Variants in HHIPL1 observed in about 807,000 individuals in gnomAD.
The protein encoded by HHIPL1 is HHIP like 1.
HHIPL1 carries 43 observed loss-of-function variants against 61.8 expected under a neutral mutation model. That is an observed-to-expected ratio of 0.70 (90% CI 0.55 to 0.90). The LOEUF (loss-of-function observed/expected upper bound fraction) is 0.90, where lower values mean the gene tolerates loss of function less well. HHIPL1 is among the 40% of genes least tolerant of loss of function. The pLI is 0.00. For missense variants in HHIPL1, 1,056 were observed against 1,157.7 expected (o/e 0.91, Z 1.28); for synonymous variants, 482 against 515.8 (o/e 0.93, Z 0.89).
chr14:99,675,196 G>C lies in HHIPL1; in HGVS notation c.1919G>C (p.Arg640Pro). The change falls in exon 9 of 9, where the codon CGG (arginine) becomes CCG (proline). Residue 640 changes from arginine to proline, a missense_variant. Arg to Pro is a moderately radical substitution (Grantham distance 103). Transcript: ENST00000330710. This position sits in a 1 kb window ranked among gnomAD's most constrained non-coding sequence, Gnocchi z 5.4. Reference protein sequence around the residue: ...PTAAPPAPTPRPARPTQQPGS... With the variant: ...PTAAPPAPTPPPARPTQQPGS... ...GCCGCTCCCCCCGCGCCAACCCCGC[G>C]GCCAGCGCGGCCCACCCAGCAGCCA... is the stretch of plus-strand genomic sequence containing the variant. The C allele has an allele frequency of 8.7e-7, 1 of 1,149,482 alleles. No homozygotes were observed. The highest frequency in any genetic ancestry group is 1.1e-6 in the Non-Finnish European group (1 of 929,692). The allele number at this position is 1,149,482 out of a possible 1,614,324, so 71.2% of individuals were successfully genotyped here. A position where few individuals can be genotyped will look rare whatever the true frequency, so the allele number is the denominator to read the frequency against.
chr14:99,641,559 G>A (rs1333241473), upstream of HHIPL1, among the ~76,000 whole-genome samples: 1 of 151,814 alleles, frequency 6.6e-6, no homozygotes, highest in East Asian at 1.9e-4. Context: ...GGTTAGAGGT[G>A]CCCGCCACCA....
the HHIPL1 span, among the ~76,000 whole-genome samples, chr14:99,613,238 C>G: frequency 6.6e-6 from 1 of 151,906 alleles, no homozygotes; most frequent in African/African-American, 2.4e-5. Context: ...GCCCACTGTT[C>G]CCCAGTGACA....
chr14:99,645,572 A>G (rs1181237059), intron 1 of HHIPL1, 110 bp downstream of exon 1: 1 of 1,138,226 alleles, frequency 8.8e-7, no homozygotes, highest in Non-Finnish European at 1.1e-6. Flanking sequence ...CGGACTCGGG[A>G]ACTCTAAGCC....
upstream of HHIPL1, among the ~76,000 whole-genome samples, chr14:99,642,557 G>T (rs12887206): frequency 6.7e-6 from 1 of 150,042 alleles, no homozygotes; most frequent in South Asian, 2.1e-4. Context: ...ACGGAGTCTC[G>T]CTCTGTCACC....
At chr14:99,648,909 A>T (rs1020394944) in intron 1 of HHIPL1, among the ~76,000 whole-genome samples, 2 of 152,200 alleles carry the variant, frequency 1.3e-5, no homozygotes, top group African/African-American at 4.8e-5. Context: ...TGTCAGTGAC[A>T]TGGGGGTGGC....
rs919582003 is a variant in HHIPL1, at chr14:99,659,854, C to G, written c.1375+98C>G. ...CCTCCCTCGGAGACCGCACCCCCCC[C>G]CCCCCGGAGATCCCTGACCCTGAGT... On this transcript the variant is annotated intron_variant, in intron 4 of 8. Coordinates refer to ENST00000330710, the MANE Select transcript of HHIPL1 (RefSeq NM_001127258.3). 1.3e-3 allele frequency: 727 copies of G among 566,762 alleles called. 107 individuals carry two copies. The highest frequency in any genetic ancestry group is 4.6e-3 in the African/African-American group (198 of 42,806). The allele number at this position is 566,762 out of a possible 1,614,324, so 35.1% of individuals were successfully genotyped here.
At chr14:99,666,284 A>G (rs1196082402) in intron 6 of HHIPL1, among the ~76,000 whole-genome samples, 11 of 152,100 alleles carry the variant, frequency 7.2e-5, no homozygotes, top group Non-Finnish European at 1.2e-4. Flanking sequence ...TCAGAGAAAA[A>G]CTTTTGCTTC....
intron 1 of HHIPL1, among the ~76,000 whole-genome samples, chr14:99,650,280 C>T (rs2140056397): frequency 6.6e-6 from 1 of 152,328 alleles, no homozygotes; most frequent in South Asian, 2.1e-4. Flanking sequence ...CAGCCTGGTC[C>T]TCCCTGTGAG....
chr14:99,619,929 C>T, the HHIPL1 span, among the ~76,000 whole-genome samples: 1 of 152,176 alleles, frequency 6.6e-6, no homozygotes, highest in Non-Finnish European at 1.5e-5. Context: ...TATTTTCCCA[C>T]CCCCAATCCA....
At chr14:99,633,336 G>A in the HHIPL1 span, among the ~76,000 whole-genome samples, 1 of 152,256 alleles carries the variant, frequency 6.6e-6, no homozygotes, top group Admixed American at 6.5e-5. Context: ...GGGGAAGCCA[G>A]GTTGACAGGC....
chr14:99,659,622 G>A lies in HHIPL1; in HGVS notation c.1241G>A (p.Arg414His). 1 of 1,549,490 alleles carries A rather than the reference G, an allele frequency of 6.5e-7. No individual in the cohort carries two copies. ...CCCTCCTCGGGCACTGGCCGCGGGC[G>A]CCTCTTCTGCGGCGACGTGGGCCAG... ...GDPSSGTGRG[R>H]LFCGDVGQNK... Residue 414 changes from arginine to histidine, a missense_variant, in exon 4 of 9, where the codon CGC becomes CAC. By Grantham distance (29) the Arg-to-His change is conservative. Transcript: ENST00000330710.
rs2056373813 is a variant in HHIPL1 at position 99,675,195 on chromosome 14, C to T, written c.1918C>T (p.Arg640Trp). Residue 640 changes from arginine (R) to tryptophan (W), a missense_variant, in exon 9 of 9, where the codon CGG becomes TGG. Arg to Trp is a moderately radical substitution (Grantham distance 101). Coordinates refer to ENST00000330710, the MANE Select transcript of HHIPL1 (RefSeq NM_001127258.3). The surrounding 1 kb of genome is among the most constrained non-coding windows in gnomAD (Gnocchi z 5.4). ...GGCCGCTCCCCCCGCGCCAACCCCG[C>T]GGCCAGCGCGGCCCACCCAGCAGCC... The part of the protein sequence containing the change: ...PTAAPPAPTP[R>W]PARPTQQPGS... 7.0e-6 allele frequency: 8 copies of T among 1,145,506 alleles called. No individual in the cohort carries two copies. Among genetic ancestry groups the T allele is most frequent in the Non-Finnish European group, 8.6e-6 (8 of 927,140 alleles). The allele number at this position is 1,145,506 out of a possible 1,614,324, so 71.0% of individuals were successfully genotyped here.
chr14:99,621,705 T>TTTTCTTTTCTTTTC, the HHIPL1 span, among the ~76,000 whole-genome samples: 1 of 97,236 alleles, frequency 1.0e-5, no homozygotes, highest in African/African-American at 3.8e-5. Context: ...TTTTCTTTTC[T>TTTTCTTTTCTTTTC]TTTCTTTTTT....
Position 99,678,089 on chromosome 14 carries a change from C to G in HHIPL1, c.*2463C>G, listed in dbSNP as rs1280559873. 6.6e-6 allele frequency: 1 copy of G among 152,252 alleles called. No individual in the cohort carries two copies. Among genetic ancestry groups the G allele is most frequent in the Admixed American group, 6.5e-5 (1 of 15,292 alleles). The allele number at this position is 152,252 out of a possible 1,614,324, so 9.4% of individuals were successfully genotyped here. On this transcript the variant is annotated 3_prime_UTR_variant, in exon 9 of 9. Transcript: ENST00000330710. The stretch of plus-strand genomic sequence containing the variant: ...TTAGATTCTCATAAGGAGTTCACAG[C>G]CTAGATCCCTCGCATGCACAGTTCA...
At chr14:99,667,294 G>A (rs374752080) in intron 6 of HHIPL1, among the ~76,000 whole-genome samples, 2 of 151,514 alleles carry the variant, frequency 1.3e-5, no homozygotes, top group East Asian at 3.9e-4. Context: ...TGTGACTTAG[G>A]ACAAGTCACT....
At chr14:99,605,794 TAAGGGG>T in the HHIPL1 span, among the ~76,000 whole-genome samples, 2 of 152,038 alleles carry the variant, frequency 1.3e-5, no homozygotes, top group African/African-American at 4.8e-5. Context: ...GGTACAAAGA[TAAGGGG>T]AAGGGCATTC....
At chr14:99,670,093 C>T (rs1168993035) in intron 7 of HHIPL1, among the ~76,000 whole-genome samples, 1 of 151,728 alleles carries the variant, frequency 6.6e-6, no homozygotes, top group East Asian at 1.9e-4. Flanking sequence ...ATTAATTAAA[C>T]TCTACAACTC....
At position 99,675,337 on chromosome 14, in the gene HHIPL1, G is replaced by T; in HGVS notation, c.2060G>T (p.Arg687Leu). 4.1e-6 allele frequency: 6 copies of T among 1,454,482 alleles called. No homozygotes were observed. Among genetic ancestry groups the T allele is most frequent in the South Asian group, 1.4e-5 (1 of 72,014 alleles). 90.1% of individuals were successfully genotyped at this position (1,454,482 alleles called of 1,614,324 possible). A position where few individuals can be genotyped will look rare whatever the true frequency, so the allele number is the denominator to read the frequency against. The change falls in exon 9 of 9, where the codon CGC becomes CTC. Residue 687 changes from arginine (R) to leucine (L), a missense_variant. Arg to Leu is a moderately radical substitution (Grantham distance 102). Coordinates refer to ENST00000330710, the MANE Select transcript of HHIPL1 (RefSeq NM_001127258.3). This position sits in a 1 kb window ranked among gnomAD's most constrained non-coding sequence, Gnocchi z 5.4. ...RPAGLSSGSG[R>L]VEVFVGGRWG... ...GCGGGCCTGAGCTCTGGCAGCGGGC[G>T]CGTGGAGGTGTTCGTGGGCGGACGC... is the stretch of plus-strand genomic sequence containing the variant.
chr14:99,662,770 G>A, intron 5 of HHIPL1, 106 bp from the exon 6 acceptor site: 3 of 1,041,312 alleles, frequency 2.9e-6, no homozygotes, highest in Non-Finnish European at 4.2e-6. Flanking sequence ...GGGAAGAAGG[G>A]AGGGAGGAAT....
Sources: allele counts gnomAD v4.1 joint callset (sites outside exome capture counted in the v4.1 genomes callset), GRCh38; gene constraint gnomAD v4.1.1; non-coding constraint Gnocchi (gnomAD v3.1); transcripts MANE v1.5; gene names NCBI Gene and HGNC (gene_info 2026-07-23, HGNC 2026-07-21).